The following GABRR1 variants were observed in gnomAD, a reference collection of about 807,000 sequenced individuals.
The protein encoded by GABRR1 is gamma-aminobutyric acid receptor subunit rho-1.
Under a neutral mutation model 55.5 loss-of-function variants are expected in GABRR1, and 59 were observed. The ratio of observed to expected loss-of-function variants is 1.06; its 90% confidence interval spans 0.86 to 1.32. GABRR1 has a LOEUF of 1.32. GABRR1 is among the 40% of genes most tolerant of loss of function. The probability of loss-of-function intolerance (pLI) is 0.00; values close to 1 mark genes in which losing one functional copy is unlikely to be tolerated. For synonymous variants in GABRR1, 213 were observed against 226.0 expected (o/e 0.94, Z 0.51); for missense variants, 602 against 619.1 (o/e 0.97, Z 0.29).
chr6:89,208,254 TAC>T lies in GABRR1; in HGVS notation c.123-4771_123-4770del, dbSNP rs535851686. Among the ~76,000 whole-genome samples the T allele has an allele frequency of 6.6e-4, 101 of 152,382 alleles. 1 individual carries two copies. Among genetic ancestry groups the T allele is most frequent in the Middle Eastern group, 3.4e-3 (1 of 294 alleles). On this transcript the variant is annotated intron_variant, in intron 1 of 9. Transcript: ENST00000454853. ...ATTTATATTGCATTTCCTGAATTGTTACAGAGGCTGTGCATTCTTCCACATAA... is the reference window on the plus strand; with the variant it reads ...ATTTATATTGCATTTCCTGAATTGTTAGAGGCTGTGCATTCTTCCACATAA...
At chr6:89,196,883 A>AAGAAAGAGAG (rs1772312524) in intron 5 of GABRR1, among the ~76,000 whole-genome samples, 1 of 118,224 alleles carries the variant, frequency 8.5e-6, no homozygotes, top group Non-Finnish European at 1.9e-5. Context: ...AAGAAAGAGA[A>AAGAAAGAGAG]GAGAAGAAAA....
At chr6:89,225,989 C>T (rs1184370639) in intron 1 of GABRR1, among the ~76,000 whole-genome samples, 8 of 151,466 alleles carry the variant, frequency 5.3e-5, no homozygotes, top group African/African-American at 9.7e-5. Context: ...TCATAGTGGT[C>T]TTGATTTGCA....
At chr6:89,200,172 A>G (rs928536044) in intron 3 of GABRR1, among the ~76,000 whole-genome samples, 9 of 151,754 alleles carry the variant, frequency 5.9e-5, no homozygotes, top group African/African-American at 1.9e-4. Flanking sequence ...TCTCTTCTAC[A>G]GCCTATTTAT....
chr6:89,219,901 T>TATA (rs1310052591), upstream of GABRR1, among the ~76,000 whole-genome samples: 1 of 152,232 alleles, frequency 6.6e-6, no homozygotes, highest in Non-Finnish European at 1.5e-5. Context: ...TATCCTCTTA[T>TATA]ATAAATCATC....
chr6:89,181,337 G>C (rs575318706), intron 8 of GABRR1, among the ~76,000 whole-genome samples: 15 of 152,158 alleles, frequency 9.9e-5, no homozygotes, highest in Non-Finnish European at 1.9e-4. Flanking sequence ...GTGTATAAAT[G>C]GGTATAATAT....
chr6:89,216,508 T>C (rs965572558), intron 1 of GABRR1, among the ~76,000 whole-genome samples: 2 of 152,172 alleles, frequency 1.3e-5, no homozygotes, highest in African/African-American at 2.4e-5. Context: ...GCATCCCAGA[T>C]AGACATTGCC....
intron 6 of GABRR1, among the ~76,000 whole-genome samples, chr6:89,186,573 G>A (rs1771908945): frequency 6.6e-6 from 1 of 152,190 alleles, no homozygotes; most frequent in Non-Finnish European, 1.5e-5. Flanking sequence ...TGTCCTACTG[G>A]TTCTGTTTAT....
At chr6:89,208,613 G>A (rs890221050) in intron 1 of GABRR1, among the ~76,000 whole-genome samples, 4 of 152,180 alleles carry the variant, frequency 2.6e-5, no homozygotes, top group East Asian at 1.9e-4. Flanking sequence ...AAGGTTTCTC[G>A]AAGAAGAAGA....
At chr6:89,196,408 T>C (rs550601562) in intron 5 of GABRR1, among the ~76,000 whole-genome samples, 28 of 152,292 alleles carry the variant, frequency 1.8e-4, no homozygotes, top group Non-Finnish European at 3.4e-4. Context: ...TAGTACTCTG[T>C]AGCCTTGGTG....
chr6:89,207,157 C>T lies in GABRR1; in HGVS notation c.123-3672G>A, dbSNP rs1772674866. Among the ~76,000 whole-genome samples the T allele has an allele frequency of 3.3e-5, 5 of 152,072 alleles. No individual in the cohort carries two copies. In the South Asian group the frequency reaches 1.0e-3, roughly 32 times the overall value. ...AGGAGAGTCAGTAGAAGGAAATATACCACTTGGAGAAGATGAAGCAAGATT... is the reference window on the plus strand; with the variant it reads ...AGGAGAGTCAGTAGAAGGAAATATATCACTTGGAGAAGATGAAGCAAGATT... On this transcript the variant is annotated intron_variant, in intron 1 of 9. Coordinates refer to ENST00000454853, the MANE Select transcript of GABRR1 (RefSeq NM_002042.5).
chr6:89,205,814 C>T (rs1022275488), intron 1 of GABRR1: 3 of 152,124 alleles, frequency 2.0e-5, no homozygotes, highest in African/African-American at 7.2e-5. Flanking sequence ...CATGCTTTCT[C>T]GGCATTTCTA....
chr6:89,185,567 T>C (rs1010465391), intron 6 of GABRR1, 117 bp from the exon 7 acceptor site: 1 of 886,048 alleles, frequency 1.1e-6, no homozygotes, highest in African/African-American at 1.6e-5. Context: ...TGTGATATGA[T>C]AGTTTGAAAA....
At position 89,178,609 on chromosome 6, in the gene GABRR1, G is replaced by A. The variant is rs1771611563; in HGVS notation, c.*161C>T. 1.6e-6 allele frequency: 1 copy of A among 628,246 alleles called. No individual in the cohort carries two copies. Among genetic ancestry groups the A allele is most frequent in the Non-Finnish European group, 2.8e-6 (1 of 362,340 alleles). 38.9% of individuals were successfully genotyped at this position (628,246 alleles called of 1,614,324 possible). A position where few individuals can be genotyped will look rare whatever the true frequency, so the allele number is the denominator to read the frequency against. ...TAATAAGTGCAAATTAAACCAGTAA[G>A]TGTCTCGTCAATGTAGCTTTGGAAA... On this transcript the variant is annotated 3_prime_UTR_variant, in exon 10 of 10. Coordinates refer to ENST00000454853, the MANE Select transcript of GABRR1 (RefSeq NM_002042.5).
At chr6:89,199,985 A>G (rs1237223456) in intron 3 of GABRR1, among the ~76,000 whole-genome samples, 1 of 152,166 alleles carries the variant, frequency 6.6e-6, no homozygotes, top group African/African-American at 2.4e-5. Flanking sequence ...TCTGGGCCAT[A>G]CGGACTAAAT....
At chr6:89,217,906 G>T (rs1235511465), upstream of GABRR1, 2 of 152,464 alleles carry the variant, frequency 1.3e-5, no homozygotes, top group African/African-American at 4.8e-5. Context: ...GGCAACTGGG[G>T]AAGAGGTTTT....
chr6:89,197,092 T>A (rs1304246095), intron 5 of GABRR1, among the ~76,000 whole-genome samples: 2 of 152,150 alleles, frequency 1.3e-5, no homozygotes, highest in African/African-American at 2.4e-5. Context: ...CAGGCCAGAA[T>A]GAGTATGGAG....
chr6:89,188,737 T>C (rs1407297330), intron 6 of GABRR1, among the ~76,000 whole-genome samples: 2 of 152,182 alleles, frequency 1.3e-5, no homozygotes, highest in Non-Finnish European at 1.5e-5. Context: ...ACTCTGATAA[T>C]GTCGATGCAC....
intron 5 of GABRR1, among the ~76,000 whole-genome samples, chr6:89,192,310 C>A (rs1772123154): frequency 1.3e-5 from 2 of 152,156 alleles, no homozygotes; most frequent in Non-Finnish European, 2.9e-5. Context: ...TCCACATACA[C>A]TCACAGATAA....
rs373071538 is a variant in GABRR1, at chr6:89,180,514, G to A, written c.950-26C>T. The A allele has an allele frequency of 1.5e-4, 248 of 1,608,210 alleles. No homozygotes were observed. The African/African-American group carries it at 2.9e-3, about 19-fold the overall frequency. Reference sequence around the variant, plus strand: ...CTGCAAACACAAGAATGAGAAACAAGTGTTTGCTTGTCTTTCACCAAACAC... The same window carrying A: ...CTGCAAACACAAGAATGAGAAACAAATGTTTGCTTGTCTTTCACCAAACAC... On this transcript the variant is annotated intron_variant, in intron 8 of 9. Coordinates refer to ENST00000454853, the MANE Select transcript of GABRR1 (RefSeq NM_002042.5).
Sources: gnomAD v4.1 joint callset for allele counts (sites outside exome capture counted in the v4.1 genomes callset) on GRCh38, gnomAD v4.1.1 for gene constraint, MANE v1.5 for transcripts, NCBI Gene and HGNC (gene_info 2026-07-23, HGNC 2026-07-21) for gene names.